CCSER1: variants seen among roughly 807,000 people sequenced by gnomAD.
The protein encoded by CCSER1 is serine-rich coiled-coil domain-containing protein 1.
In CCSER1, 41 loss-of-function variants were observed where a neutral mutation model predicts 82.0. The ratio of observed to expected loss-of-function variants is 0.50; its 90% CI spans 0.39 to 0.65. CCSER1 has a LOEUF of 0.65. Among genes scored for constraint, CCSER1 ranks in the 30% least tolerant of loss-of-function variants. CCSER1 has a pLI of 0.00. For missense variants in CCSER1, 1,119 were observed against 1,064.2 expected (o/e 1.05, Z -0.72); for synonymous variants, 414 against 383.9 (o/e 1.08, Z -0.92).
intron 1 of CCSER1, among the ~76,000 whole-genome samples, chr4:90,145,990 T>C (rs1320008501): frequency 6.6e-6 from 1 of 152,058 alleles, no homozygotes; most frequent in African/African-American, 2.4e-5. Context: ...GGCTTGATAA[T>C]TGGCATTTGC....
At chr4:90,925,797 G>A (rs1728986481) in intron 9 of CCSER1, among the ~76,000 whole-genome samples, 2 of 152,106 alleles carry the variant, frequency 1.3e-5, no homozygotes, top group African/African-American at 2.4e-5. Context: ...GCATCTTACT[G>A]TATTGAATTA....
intron 3 of CCSER1, among the ~76,000 whole-genome samples, chr4:90,386,149 A>G (rs1424942681): frequency 6.6e-6 from 1 of 152,130 alleles, no homozygotes; most frequent in Admixed American, 6.5e-5. Context: ...ACAGAATTAG[A>G]AAAAACAATC....
At chr4:90,313,347 C>G (rs2870246) in intron 3 of CCSER1, among the ~76,000 whole-genome samples, 1 of 151,912 alleles carries the variant, frequency 6.6e-6, no homozygotes. Context: ...GAACATGAGG[C>G]TCCCCTTTGA....
At chr4:91,300,918 G>T (rs1242017108) in intron 10 of CCSER1, among the ~76,000 whole-genome samples, 1 of 151,868 alleles carries the variant, frequency 6.6e-6, no homozygotes. Context: ...GATTGTAAAG[G>T]TAGTTTTTAA....
At chr4:90,860,786 T>C (rs1025944991) in intron 8 of CCSER1, among the ~76,000 whole-genome samples, 25 of 151,808 alleles carry the variant, frequency 1.6e-4, no homozygotes, top group Admixed American at 3.9e-4. Context: ...TATTATTCCA[T>C]TTATATAAAA....
intron 4 of CCSER1, among the ~76,000 whole-genome samples, chr4:90,414,056 AAT>A (rs1223529124): frequency 2.1e-5 from 3 of 141,852 alleles, no homozygotes; most frequent in African/African-American, 7.7e-5. Context: ...ATAGAAATAA[AAT>A]ATGTTTTATA....
At chr4:90,624,431 T>C (rs1722911884) in intron 5 of CCSER1, among the ~76,000 whole-genome samples, 1 of 152,190 alleles carries the variant, frequency 6.6e-6, no homozygotes, top group Admixed American at 6.5e-5. Context: ...ATTCTTACTT[T>C]CTCTCTCAGG....
At chr4:90,805,414 G>C (rs966867107) in intron 7 of CCSER1, among the ~76,000 whole-genome samples, 2 of 152,180 alleles carry the variant, frequency 1.3e-5, no homozygotes, top group Non-Finnish European at 2.9e-5. Context: ...CTGCTTCTCA[G>C]CATGGCTACT....
intron 5 of CCSER1, among the ~76,000 whole-genome samples, chr4:90,616,316 T>A (rs1168236093): frequency 6.6e-6 from 1 of 152,130 alleles, no homozygotes; most frequent in Non-Finnish European, 1.5e-5. Context: ...AACTTTTTTT[T>A]AATAAAGTAG....
intron 8 of CCSER1, among the ~76,000 whole-genome samples, chr4:90,910,861 T>A (rs1431257306): frequency 1.3e-5 from 2 of 151,642 alleles, no homozygotes; most frequent in Admixed American, 6.6e-5. Flanking sequence ...TGAAAGCATC[T>A]CATTAACAGG....
intron 7 of CCSER1, among the ~76,000 whole-genome samples, chr4:90,805,518 GTCA>G (rs1561168285): frequency 6.6e-6 from 1 of 152,200 alleles, no homozygotes; most frequent in Admixed American, 6.5e-5. Context: ...GTCATGCAGA[GTCA>G]TCATATTCTA....
At chr4:91,071,114 A>C (rs1343940322) in intron 9 of CCSER1, among the ~76,000 whole-genome samples, 1 of 152,230 alleles carries the variant, frequency 6.6e-6, no homozygotes, top group East Asian at 1.9e-4. Flanking sequence ...TAGAAAAGTA[A>C]ATATTCCATT....
chr4:90,190,546 G>A (rs994845973), intron 1 of CCSER1, among the ~76,000 whole-genome samples: 4 of 151,972 alleles, frequency 2.6e-5, no homozygotes, highest in Admixed American at 2.0e-4. Context: ...ACACCACCGG[G>A]GCTTTCATGG....
rs929546860 is a variant in CCSER1 at position 90,662,159 on chromosome 4, C to A, written c.1932+33927C>A. 3.9e-5 allele frequency among the ~76,000 whole-genome samples: 6 copies of A among 152,068 alleles called. 1 individual carries two copies. The Middle Eastern group carries it at 0.01, about 260-fold the overall frequency. ...GACTACAGGCGCTCGCCACCATGCC[C>A]AGCTAATTTTTTGTATTTTTAGTAC... On this transcript the variant is annotated intron_variant, in intron 6 of 10. Coordinates refer to ENST00000509176, the MANE Select transcript of CCSER1 (RefSeq NM_001145065.2).
At chr4:91,383,473 G>A (rs1198516351) in intron 10 of CCSER1, among the ~76,000 whole-genome samples, 1 of 151,914 alleles carries the variant, frequency 6.6e-6, no homozygotes, top group African/African-American at 2.4e-5. Flanking sequence ...CAACTTTGGG[G>A]CAAATTTTTT....
intron 9 of CCSER1, among the ~76,000 whole-genome samples, chr4:90,931,021 A>T (rs894267789): frequency 1.4e-5 from 2 of 142,558 alleles, no homozygotes; most frequent in Admixed American, 1.4e-4. Flanking sequence ...TGAAATATAT[A>T]TATATATATC....
intron 5 of CCSER1, among the ~76,000 whole-genome samples, chr4:90,562,247 A>G (rs1271388422): frequency 1.3e-5 from 2 of 151,804 alleles, no homozygotes; most frequent in Non-Finnish European, 2.9e-5. Context: ...CACATGTAGC[A>G]TACTGTGTAC....
At chr4:90,570,358 T>A (rs1779951094) in intron 5 of CCSER1, among the ~76,000 whole-genome samples, 1 of 152,116 alleles carries the variant, frequency 6.6e-6, no homozygotes, top group African/African-American at 2.4e-5. Context: ...CAAGTTGAAC[T>A]GGCCTCACTG....
chr4:91,382,072 A>T (rs1750941010), intron 10 of CCSER1, among the ~76,000 whole-genome samples: 1 of 152,130 alleles, frequency 6.6e-6, no homozygotes, highest in Non-Finnish European at 1.5e-5. Flanking sequence ...CGAACAGTGG[A>T]TATTGCTGAA....
Sources: allele counts gnomAD v4.1 joint callset (sites outside exome capture counted in the v4.1 genomes callset), GRCh38; gene constraint gnomAD v4.1.1; transcripts MANE v1.5; gene names NCBI Gene and HGNC (gene_info 2026-07-23, HGNC 2026-07-21).